NRG2: variants seen among roughly 807,000 people sequenced by gnomAD.
NRG2 encodes pro-neuregulin-2, membrane-bound isoform.
Under a neutral mutation model 73.9 loss-of-function variants are expected in NRG2, and 27 were observed. The ratio of observed to expected loss-of-function variants is 0.37; its 90% confidence interval spans 0.27 to 0.50. The LOEUF (loss-of-function observed/expected upper bound fraction) is 0.50, where lower values mean the gene tolerates loss of function less well. Ranked by LOEUF, NRG2 falls within the 20% of genes least tolerant of loss-of-function variation. The probability of loss-of-function intolerance (pLI) is 0.96; values close to 1 mark genes in which losing one functional copy is unlikely to be tolerated. For missense variants in NRG2, 1,126 were observed against 1,210.1 expected (o/e 0.93, Z 1.03); for synonymous variants, 532 against 541.0 (o/e 0.98, Z 0.23).
At chr5:139,907,150 A>G (rs1293243327) in intron 1 of NRG2, among the ~76,000 whole-genome samples, 1 of 151,946 alleles carries the variant, frequency 6.6e-6, no homozygotes, top group Non-Finnish European at 1.5e-5. Context: ...AGGTCTGTGG[A>G]CTGATGGTAT....
chr5:139,847,886 CG>C lies in NRG2; in HGVS notation c.*30del. 1 of 1,126,850 alleles carries C rather than the reference CG, an allele frequency of 8.9e-7. No individual in the cohort carries two copies. Among genetic ancestry groups the C allele is most frequent in the South Asian group, 1.8e-5 (1 of 54,592 alleles). The allele number at this position is 1,126,850 out of a possible 1,614,324, so 69.8% of individuals were successfully genotyped here. ...TCTGGTCTCCTTAAAGATAGTGGGG[CG>C]GGCGGGGCGGAGGGGCGCGCGGCGG... On this transcript the variant is annotated 3_prime_UTR_variant, in exon 10 of 10. Coordinates refer to ENST00000361474, the MANE Select transcript of NRG2 (RefSeq NM_004883.3).
rs575406239 is a variant in NRG2, at chr5:140,001,840, G to C, written c.700+40530C>G. ...ATCCCACCACTGCACTCCAACCTTGGTGACAGAGTAAGACCCTGTCTCTAA... is the reference window on the plus strand; with the variant it reads ...ATCCCACCACTGCACTCCAACCTTGCTGACAGAGTAAGACCCTGTCTCTAA... On this transcript the variant is annotated intron_variant, in intron 1 of 9. Coordinates refer to ENST00000361474, the MANE Select transcript of NRG2 (RefSeq NM_004883.3). 2.0e-5 allele frequency among the ~76,000 whole-genome samples: 3 copies of C among 152,168 alleles called. No homozygotes were observed. In the East Asian group the frequency reaches 5.8e-4, roughly 29 times the overall value.
chr5:139,878,655 T>C (rs1763336003), intron 3 of NRG2, among the ~76,000 whole-genome samples: 1 of 152,174 alleles, frequency 6.6e-6, no homozygotes, highest in Non-Finnish European at 1.5e-5. Flanking sequence ...TCCCTTAAGA[T>C]AGGCTTAAGT....
intron 2 of NRG2, among the ~76,000 whole-genome samples, chr5:139,885,487 C>T (rs148918494): frequency 2.7e-4 from 41 of 152,144 alleles, no homozygotes; most frequent in Non-Finnish European, 4.1e-4. Flanking sequence ...GAGTGGAGGA[C>T]GAGAGTGCGC....
Position 139,887,301 on chromosome 5 carries a change from G to A in NRG2, c.872+39C>T. On this transcript the variant is annotated intron_variant, in intron 2 of 9. Coordinates refer to ENST00000361474, the MANE Select transcript of NRG2 (RefSeq NM_004883.3). The surrounding 1 kb of genome is among the most constrained non-coding windows in gnomAD (Gnocchi z 4.5). ...CCACTCCTTCTCGAGAGGAGGGAGG[G>A]CAGCTGCTTGGATGGAGGACAGGCT... 1 of 1,607,388 alleles carries A rather than the reference G, an allele frequency of 6.2e-7. No homozygotes were observed. Among genetic ancestry groups the A allele is most frequent in the African/African-American group, 1.3e-5 (1 of 74,964 alleles).
intron 1 of NRG2, among the ~76,000 whole-genome samples, chr5:139,930,293 A>G (rs539301287): frequency 6.6e-6 from 1 of 152,254 alleles, no homozygotes; most frequent in African/African-American, 2.4e-5. Flanking sequence ...TCCAGTCTGC[A>G]GATGCTGGAG....
At chr5:139,970,525 T>C (rs1328939645) in intron 1 of NRG2, among the ~76,000 whole-genome samples, 1 of 152,192 alleles carries the variant, frequency 6.6e-6, no homozygotes, top group Non-Finnish European at 1.5e-5. Flanking sequence ...AGTTCTACCC[T>C]GCACTCTGAC....
intron 1 of NRG2, among the ~76,000 whole-genome samples, chr5:139,920,703 A>G (rs1016379103): frequency 6.6e-6 from 1 of 152,186 alleles, no homozygotes; most frequent in Non-Finnish European, 1.5e-5. Flanking sequence ...GGTTTAAAGA[A>G]GGGGGCATCT....
intron 1 of NRG2, among the ~76,000 whole-genome samples, chr5:139,939,076 A>G (rs1753158115): frequency 6.6e-6 from 1 of 151,858 alleles, no homozygotes; most frequent in African/African-American, 2.4e-5. Context: ...GAGAACCTTG[A>G]CCCTTAGATC....
At chr5:139,937,042 T>G (rs867408993) in intron 1 of NRG2, among the ~76,000 whole-genome samples, 1 of 152,364 alleles carries the variant, frequency 6.6e-6, no homozygotes, top group Middle Eastern at 3.4e-3. Context: ...CCTCAGGTGA[T>G]CCGCCTGCCT....
intron 3 of NRG2, among the ~76,000 whole-genome samples, chr5:139,872,961 C>T (rs552225768): frequency 1.3e-5 from 2 of 152,236 alleles, no homozygotes; most frequent in African/African-American, 4.8e-5. Flanking sequence ...ATGAGGTGGC[C>T]CAAGCTACCC....
At position 139,848,042 on chromosome 5, in the gene NRG2, G is replaced by T; in HGVS notation, c.2428C>A (p.Pro810Thr). 1.3e-6 allele frequency: 2 copies of T among 1,507,464 alleles called. No individual in the cohort carries two copies. Among genetic ancestry groups the T allele is most frequent in the South Asian group, 1.2e-5 (1 of 80,592 alleles). 93.4% of individuals were successfully genotyped at this position (1,507,464 alleles called of 1,614,324 possible). The stretch of plus-strand genomic sequence containing the variant: ...CTGTCGGCCGCCGGGCACAGTGGCG[G>T]CGAGTCCGAGCGCAGCGCGTCGTGC... The part of the protein sequence containing the change: ...GAHDALRSDS[P>T]PLCPAADSRT... Residue 810 changes from proline (P) to threonine (T), a missense_variant, in exon 10 of 10, where the codon CCG becomes ACG. By Grantham distance (38) the Pro-to-Thr change is conservative (BLOSUM62 -1). This residue lies in a region of NRG2 where 402 missense variants were observed against 357.8 expected (regional missense o/e 1.12). Coordinates refer to ENST00000361474, the MANE Select transcript of NRG2 (RefSeq NM_004883.3).
intron 1 of NRG2, among the ~76,000 whole-genome samples, chr5:139,958,242 C>T (rs967936070): frequency 7.2e-5 from 11 of 152,098 alleles, no homozygotes; most frequent in African/African-American, 2.7e-4. Flanking sequence ...GTTCACCTTG[C>T]TCTCAGTTCA....
At chr5:139,964,834 C>T (rs1377204708) in intron 1 of NRG2, among the ~76,000 whole-genome samples, 1 of 152,216 alleles carries the variant, frequency 6.6e-6, no homozygotes, top group African/African-American at 2.4e-5. Flanking sequence ...CCATACCTAT[C>T]TAGCCCTGAG....
At chr5:139,993,947 TTGTC>T (rs1757840162) in intron 1 of NRG2, among the ~76,000 whole-genome samples, 1 of 152,228 alleles carries the variant, frequency 6.6e-6, no homozygotes, top group African/African-American at 2.4e-5. Context: ...GTTATTTTGC[TTGTC>T]TGTCTTTTCT....
At chr5:139,863,182 C>G (rs75334456) in intron 5 of NRG2, among the ~76,000 whole-genome samples, 14,089 of 152,242 alleles carry the variant, frequency 0.093, 682 homozygotes, top group Middle Eastern at 0.13. Flanking sequence ...GATGAGAAAA[C>G]AAATTGAGAA....
At chr5:139,895,228 C>T (rs760913010) in intron 1 of NRG2, among the ~76,000 whole-genome samples, 1 of 152,252 alleles carries the variant, frequency 6.6e-6, no homozygotes, top group Non-Finnish European at 1.5e-5. Flanking sequence ...CTGAGAGAAA[C>T]ACTGGCCTCC....
Position 140,008,513 on chromosome 5 carries a change from T to A in NRG2, c.700+33857A>T, listed in dbSNP as rs766995902. Among the ~76,000 whole-genome samples the A allele has an allele frequency of 6.6e-6, 1 of 152,210 alleles. No homozygotes were observed. The highest frequency in any genetic ancestry group is 2.4e-5 in the African/African-American group (1 of 41,444). ...TGCTTAGAGATCCCTTACTCCTTAC[T>A]AAACCAAGTTTCCCTACAGTGAGCT... On this transcript the variant is annotated intron_variant, in intron 1 of 9. Coordinates refer to ENST00000361474, the MANE Select transcript of NRG2 (RefSeq NM_004883.3). This position sits in a 1 kb window ranked among gnomAD's most constrained non-coding sequence, Gnocchi z 4.2.
intron 3 of NRG2, among the ~76,000 whole-genome samples, chr5:139,878,315 G>A (rs974615387): frequency 6.6e-6 from 1 of 152,224 alleles, no homozygotes; most frequent in African/African-American, 2.4e-5. Flanking sequence ...GGTCAAGTGG[G>A]TCACATGACC....
Sources: allele counts gnomAD v4.1 joint callset (sites outside exome capture counted in the v4.1 genomes callset), GRCh38; gene constraint gnomAD v4.1.1; regional missense constraint gnomAD v4.1.1; non-coding constraint Gnocchi (gnomAD v3.1); transcripts MANE v1.5; gene names NCBI Gene and HGNC (gene_info 2026-07-23, HGNC 2026-07-21).